STARD13: variants seen among roughly 807,000 people sequenced by gnomAD.
STARD13 encodes the protein StAR related lipid transfer domain containing 13.
Under a neutral mutation model 106.4 loss-of-function variants are expected in STARD13, and 62 were observed. The observed-to-expected ratio is 0.58, with a 90% CI of 0.48 to 0.72. The LOEUF is 0.72. Ranked by LOEUF, STARD13 falls within the 30% of genes least tolerant of loss-of-function variation. The pLI is 0.00. For synonymous variants in STARD13, 565 were observed against 553.0 expected (o/e 1.02, Z -0.31); for missense variants, 1,387 against 1,424.0 (o/e 0.97, Z 0.42).
At chr13:33,162,451 A>G (rs919023462) in intron 3 of STARD13, among the ~76,000 whole-genome samples, 4 of 152,190 alleles carry the variant, frequency 2.6e-5, no homozygotes, top group African/African-American at 9.7e-5. Context: ...TTCTCCTCAG[A>G]AAATGTGTTT....
At position 33,343,026 on chromosome 13, in the gene STARD13, A is replaced by G. The variant is rs543853762; in HGVS notation, c.124+7264T>C. ...GTCATATGCCAATAATTCCCACATT[A>G]TATCTCTGGCTCTGACTTTCCTACA... On this transcript the variant is annotated intron_variant, in intron 1 of 5. Transcript: ENST00000567873. Among the ~76,000 whole-genome samples, 25 of 152,282 alleles carry G rather than the reference A, an allele frequency of 1.6e-4. 1 individual carries two copies. The South Asian group carries it at 5.0e-3, about 30-fold the overall frequency.
At chr13:33,254,042 A>C (rs1890215423) in intron 1 of STARD13, among the ~76,000 whole-genome samples, 1 of 152,224 alleles carries the variant, frequency 6.6e-6, no homozygotes, top group African/African-American at 2.4e-5. Context: ...ACACAGGGTG[A>C]TCAGCCATCC....
At chr13:33,311,193 A>G (rs920521427) in intron 1 of STARD13, among the ~76,000 whole-genome samples, 7 of 151,420 alleles carry the variant, frequency 4.6e-5, no homozygotes, top group Non-Finnish European at 1.0e-4. Flanking sequence ...GCTACTCGGG[A>G]GGCTGAGGCG....
chr13:33,620,675 T>C, the STARD13 span, among the ~76,000 whole-genome samples: 2 of 151,406 alleles, frequency 1.3e-5, no homozygotes, highest in Admixed American at 6.6e-5. Context: ...TAGAGTAATA[T>C]TAAATTAAAA....
At chr13:33,672,987 GGC>G in the STARD13 span, among the ~76,000 whole-genome samples, 1 of 152,132 alleles carries the variant, frequency 6.6e-6, no homozygotes, top group African/African-American at 2.4e-5. Context: ...GCCAATTTAA[GGC>G]AATTTAAGCA....
chr13:33,641,079 C>A, the STARD13 span, among the ~76,000 whole-genome samples: 9 of 152,290 alleles, frequency 5.9e-5, no homozygotes, highest in Non-Finnish European at 1.0e-4. Context: ...TGATCTAATG[C>A]TGATAGACTG....
At chr13:33,182,293 C>T (rs186384949) in intron 1 of STARD13, among the ~76,000 whole-genome samples, 75 of 152,282 alleles carry the variant, frequency 4.9e-4, no homozygotes, top group African/African-American at 1.8e-3. Flanking sequence ...GTATGAGATG[C>T]ATCTGGTAAA....
chr13:33,166,081 G>A (rs76861306), intron 2 of STARD13, among the ~76,000 whole-genome samples: 3,804 of 152,272 alleles, frequency 0.025, 65 homozygotes, highest in Non-Finnish European at 0.041. Flanking sequence ...ATAGCCAAAT[G>A]TAACCATGCT....
At chr13:33,602,648 A>G in the STARD13 span, among the ~76,000 whole-genome samples, 1 of 152,174 alleles carries the variant, frequency 6.6e-6, no homozygotes, top group Non-Finnish European at 1.5e-5. Flanking sequence ...GGGGCCATGG[A>G]CCGGTCTGTG....
the STARD13 span, among the ~76,000 whole-genome samples, chr13:33,478,760 A>C: frequency 6.6e-6 from 1 of 152,158 alleles, no homozygotes; most frequent in Non-Finnish European, 1.5e-5. Context: ...TACAAAAAAT[A>C]GAAAAATTAT....
intron 1 of STARD13, among the ~76,000 whole-genome samples, chr13:33,291,109 A>G (rs1566121533): frequency 6.6e-6 from 1 of 152,206 alleles, no homozygotes; most frequent in Non-Finnish European, 1.5e-5. Flanking sequence ...CAACCACTCA[A>G]CTACTGCAGT....
At position 33,103,204 on chromosome 13, in the gene STARD13, T is replaced by C. The variant is rs934839560; in HGVS notation, c.*2389A>G. ...TGCCTTGGCAATTATTTATTTACAA[T>C]TGATGATTGATATCAACAATTGAGG... is the stretch of plus-strand genomic sequence containing the variant. On this transcript the variant is annotated 3_prime_UTR_variant, in exon 14 of 14. Coordinates refer to ENST00000336934, the MANE Select transcript of STARD13 (RefSeq NM_178006.4). 7.9e-5 allele frequency: 12 copies of C among 152,642 alleles called. No individual in the cohort carries two copies. The highest frequency in any genetic ancestry group is 7.2e-4 in the Admixed American group (11 of 15,286). The allele number at this position is 152,642 out of a possible 1,614,324, so 9.5% of individuals were successfully genotyped here. A position where few individuals can be genotyped will look rare whatever the true frequency, so the allele number is the denominator to read the frequency against.
At chr13:33,360,740 G>A in the STARD13 span, among the ~76,000 whole-genome samples, 5 of 136,584 alleles carry the variant, frequency 3.7e-5, no homozygotes, top group South Asian at 2.5e-4. Context: ...ATTGTTGATC[G>A]TTGAACAATA....
the STARD13 span, among the ~76,000 whole-genome samples, chr13:33,408,697 TG>T: frequency 6.6e-6 from 1 of 152,156 alleles, no homozygotes; most frequent in Non-Finnish European, 1.5e-5. Flanking sequence ...GCCCATTTCC[TG>T]GGCATAAAAG....
intron 1 of STARD13, among the ~76,000 whole-genome samples, chr13:33,301,568 CTTT>C (rs11393186): frequency 1.5e-4 from 11 of 72,068 alleles, no homozygotes; most frequent in African/African-American, 5.3e-4. Context: ...CTTTTTTTTT[CTTT>C]TTTTTTTTTT....
At chr13:33,110,962 C>G in intron 10 of STARD13, 55 bp from the exon 11 acceptor site, 1 of 1,516,028 alleles carries the variant, frequency 6.6e-7, no homozygotes, top group African/African-American at 1.4e-5. Context: ...AACGCCGAGA[C>G]TCAAAGAAAG....
At chr13:33,225,240 C>T (rs1347272718) in intron 1 of STARD13, among the ~76,000 whole-genome samples, 15 of 152,114 alleles carry the variant, frequency 9.9e-5, no homozygotes, top group Non-Finnish European at 1.5e-5. Flanking sequence ...AGTGCTATGC[C>T]AGAAACTGGG....
intron 1 of STARD13, among the ~76,000 whole-genome samples, chr13:33,292,920 T>C (rs1892348021): frequency 6.6e-6 from 1 of 151,688 alleles, no homozygotes; most frequent in Non-Finnish European, 1.5e-5. Flanking sequence ...AACCACCAGG[T>C]CCTGCACAAT....
chr13:33,429,060 T>C, the STARD13 span, among the ~76,000 whole-genome samples: 1 of 152,186 alleles, frequency 6.6e-6, no homozygotes, highest in Admixed American at 6.5e-5. Flanking sequence ...AGAGAACTCC[T>C]GTGTGCTGTT....
Sources: gnomAD v4.1 joint callset for allele counts (sites outside exome capture counted in the v4.1 genomes callset) on GRCh38, gnomAD v4.1.1 for gene constraint, MANE v1.5 for transcripts, NCBI Gene and HGNC (gene_info 2026-07-23, HGNC 2026-07-21) for gene names.